Variants in RARB observed in about 807,000 individuals in gnomAD.
RARB encodes the protein HBV-activated protein.
In RARB, 17 loss-of-function variants were observed where a neutral mutation model predicts 51.9. The observed-to-expected ratio is 0.33, with a 90% CI of 0.22 to 0.49. RARB has a LOEUF of 0.49. Ranked by LOEUF, RARB falls within the 20% of genes least tolerant of loss-of-function variation. RARB has a pLI of 0.99. For missense variants in RARB, 369 were observed against 550.8 expected, an observed-to-expected ratio of 0.67 and a Z score of 3.30; for synonymous variants, 215 against 195.4, an observed-to-expected ratio of 1.10 and a Z score of -0.84.
intron 3 of RARB, among the ~76,000 whole-genome samples, chr3:25,085,494 C>A (rs1352506299): frequency 2.0e-5 from 3 of 151,750 alleles, no homozygotes; most frequent in Non-Finnish European, 4.4e-5. Context: ...TTTCTACCTA[C>A]CCTCCTTTCT....
intron 5 of RARB, among the ~76,000 whole-genome samples, chr3:25,372,450 A>T (rs535710240): frequency 6.6e-6 from 1 of 152,218 alleles, no homozygotes; most frequent in South Asian, 2.1e-4. Context: ...TGCAGGAGAC[A>T]TAATAGTGAA....
chr3:25,048,207 C>T (rs898174431), intron 2 of RARB, among the ~76,000 whole-genome samples: 1 of 152,178 alleles, frequency 6.6e-6, no homozygotes, highest in African/African-American at 2.4e-5. Flanking sequence ...TTGCTCATTT[C>T]ATCTCTTCAT....
At chr3:25,202,685 G>A (rs1275912486) in intron 5 of RARB, among the ~76,000 whole-genome samples, 4 of 152,190 alleles carry the variant, frequency 2.6e-5, no homozygotes, top group African/African-American at 7.2e-5. Flanking sequence ...CCTTCATTTT[G>A]TTATATACCC....
chr3:25,443,085 G>A (rs1333171795), intron 1 of RARB, among the ~76,000 whole-genome samples: 3 of 152,148 alleles, frequency 2.0e-5, no homozygotes, highest in African/African-American at 7.2e-5. Context: ...ATAACCCAGA[G>A]TGCGGCACAC....
chr3:25,561,926 C>T (rs956327735), intron 3 of RARB, among the ~76,000 whole-genome samples: 5 of 152,314 alleles, frequency 3.3e-5, no homozygotes, highest in African/African-American at 1.2e-4. Context: ...TCCTGCCCTT[C>T]ATCAGATTCT....
intron 5 of RARB, among the ~76,000 whole-genome samples, chr3:25,323,327 AT>A (rs1172334453): frequency 6.6e-6 from 1 of 152,224 alleles, no homozygotes; most frequent in East Asian, 1.9e-4. Flanking sequence ...GACATGTGGG[AT>A]AAGAGCAATT....
At chr3:25,024,228 C>A (rs887609651) in intron 2 of RARB, among the ~76,000 whole-genome samples, 8 of 152,150 alleles carry the variant, frequency 5.3e-5, no homozygotes, top group Non-Finnish European at 5.9e-5. Flanking sequence ...AACTTTAGAT[C>A]TGTCTTTTCT....
chr3:25,416,042 A>T (rs1004482549), intron 5 of RARB, among the ~76,000 whole-genome samples: 1 of 152,234 alleles, frequency 6.6e-6, no homozygotes, highest in African/African-American at 2.4e-5. Context: ...CATTGTCTTA[A>T]TTATGGCAAC....
At chr3:24,874,211 G>A (rs1703000965) in intron 2 of RARB, among the ~76,000 whole-genome samples, 1 of 151,938 alleles carries the variant, frequency 6.6e-6, no homozygotes, top group South Asian at 2.1e-4. Flanking sequence ...GAACAATATG[G>A]TACTACTGAT....
intron 3 of RARB, among the ~76,000 whole-genome samples, chr3:25,555,807 G>A (rs906062943): frequency 2.0e-5 from 3 of 152,108 alleles, no homozygotes; most frequent in African/African-American, 7.2e-5. Context: ...ATCTACCATT[G>A]CCTTTCCTCT....
intron 5 of RARB, among the ~76,000 whole-genome samples, chr3:25,588,562 A>T (rs919625309): frequency 6.6e-6 from 1 of 152,208 alleles, no homozygotes; most frequent in African/African-American, 2.4e-5. Flanking sequence ...AAACATAAGC[A>T]TTATTATCTC....
chr3:25,243,385 C>G (rs1280773516), intron 5 of RARB, among the ~76,000 whole-genome samples: 1 of 152,124 alleles, frequency 6.6e-6, no homozygotes, highest in African/African-American at 2.4e-5. Context: ...TTGTCTTGTG[C>G]TGGTTTTCAA....
At chr3:25,063,585 TG>T (rs1287584560) in intron 3 of RARB, among the ~76,000 whole-genome samples, 5 of 151,884 alleles carry the variant, frequency 3.3e-5, no homozygotes, top group African/African-American at 1.2e-4. Flanking sequence ...GAGTGAAAAA[TG>T]CTTCCAATAA....
intron 4 of RARB, among the ~76,000 whole-genome samples, chr3:25,147,485 T>C (rs1430008909): frequency 6.6e-6 from 1 of 152,182 alleles, no homozygotes; most frequent in African/African-American, 2.4e-5. Flanking sequence ...CTATATGACA[T>C]AGATTTTCCT....
chr3:25,191,128 A>C (rs1184055609), intron 5 of RARB, among the ~76,000 whole-genome samples: 1 of 152,126 alleles, frequency 6.6e-6, no homozygotes, highest in African/African-American at 2.4e-5. Flanking sequence ...TCTTTCATGT[A>C]TTAAAAGGGC....
chr3:25,255,799 T>C (rs1702849907), intron 5 of RARB, among the ~76,000 whole-genome samples: 1 of 152,128 alleles, frequency 6.6e-6, no homozygotes, highest in Non-Finnish European at 1.5e-5. Context: ...AAAACAATAG[T>C]TTTAAAAAAA....
intron 5 of RARB, among the ~76,000 whole-genome samples, chr3:25,383,998 A>T (rs1706713349): frequency 6.6e-6 from 1 of 152,220 alleles, no homozygotes; most frequent in Non-Finnish European, 1.5e-5. Context: ...TAGACTACAC[A>T]GATCTGTAAG....
At chr3:25,268,359 G>A (rs1412610765) in intron 5 of RARB, among the ~76,000 whole-genome samples, 1 of 149,772 alleles carries the variant, frequency 6.7e-6, no homozygotes, top group African/African-American at 2.5e-5. Context: ...TGTGTTCATG[G>A]CACTTCTGAT....
intron 2 of RARB, among the ~76,000 whole-genome samples, chr3:25,032,538 C>T (rs1317221384): frequency 6.6e-6 from 1 of 152,192 alleles, no homozygotes; most frequent in East Asian, 1.9e-4. Context: ...GGCACTACTG[C>T]ATATTCAAAA....
Sources: allele counts gnomAD v4.1 joint callset (sites outside exome capture counted in the v4.1 genomes callset), GRCh38; gene constraint gnomAD v4.1.1; transcripts MANE v1.5; gene names NCBI Gene and HGNC (gene_info 2026-07-23, HGNC 2026-07-21).